Variants in OR51B5 observed in about 807,000 individuals in gnomAD.
OR51B5 encodes olfactory receptor family 51 subfamily B member 5, also known as olfactory receptor 51B5.
For synonymous variants in OR51B5, 186 were observed against 144.8 expected (o/e 1.28, Z -2.04); for missense variants, 456 against 374.6 (o/e 1.22, Z -1.79).
intron 1 of OR51B5, chr11:5,389,668 G>A (rs1564796992): frequency 6.2e-7 from 1 of 1,613,470 alleles, no homozygotes; most frequent in Non-Finnish European, 8.5e-7. Context: ...TGTCCACGTT[G>A]CCCACCACTA....
intron 1 of OR51B5, among the ~76,000 whole-genome samples, chr11:5,483,722 A>G (rs750002498): frequency 1.1e-4 from 17 of 152,076 alleles, no homozygotes; most frequent in Admixed American, 2.6e-4. Context: ...TCTTTCCCTC[A>G]ATAGATGGAC....
intron 1 of OR51B5, among the ~76,000 whole-genome samples, chr11:5,451,892 G>A (rs1850857028): frequency 6.6e-6 from 1 of 152,142 alleles, no homozygotes; most frequent in South Asian, 2.1e-4. Flanking sequence ...CCTCATCCAC[G>A]ATGAGGCAAT....
At chr11:5,495,822 T>A (rs1590029770) in intron 1 of OR51B5, among the ~76,000 whole-genome samples, 3 of 152,222 alleles carry the variant, frequency 2.0e-5, no homozygotes, top group South Asian at 4.1e-4. Flanking sequence ...TCCAACTATA[T>A]ACCGCCTGCA....
chr11:5,363,023 A>AAAC (rs1554934780), intron 1 of OR51B5, among the ~76,000 whole-genome samples: 1 of 13,566 alleles, frequency 7.4e-5, no homozygotes, highest in East Asian at 3.2e-4. Context: ...TGAAGGTTGA[A>AAAC]AACAAGGAAA....
chr11:5,390,182 G>A (rs772450540), intron 1 of OR51B5: 1 of 1,613,982 alleles, frequency 6.2e-7, no homozygotes, highest in Non-Finnish European at 8.5e-7. Context: ...TGCTGTGCTA[G>A]TATTCTTTGT....
intron 1 of OR51B5, among the ~76,000 whole-genome samples, chr11:5,443,915 C>G (rs1850728297): frequency 6.6e-6 from 1 of 151,980 alleles, no homozygotes; most frequent in Admixed American, 6.6e-5. Flanking sequence ...TACATTTTTA[C>G]ACTCTTATAC....
Position 5,390,404 on chromosome 11 carries a change from G to A in OR51B5, n.85-43494C>T, listed in dbSNP as rs753784765. On this transcript the variant is annotated intron_variant and non_coding_transcript_variant, in intron 1 of 4. Transcript: ENST00000415970. Reference sequence around the variant, plus strand: ...AGTCCTGGGGCTAAAACTCCCCCTAGAGGCCTATAAGAAGGCCCCAAATTG... The same window carrying A: ...AGTCCTGGGGCTAAAACTCCCCCTAAAGGCCTATAAGAAGGCCCCAAATTG... 102 of 1,539,324 alleles carry A rather than the reference G, an allele frequency of 6.6e-5. 4 individuals carry two copies. The South Asian group carries it at 1.0e-3, about 15-fold the overall frequency.
chr11:5,384,330 T>C (rs1241938107), intron 1 of OR51B5, among the ~76,000 whole-genome samples: 2 of 152,166 alleles, frequency 1.3e-5, no homozygotes, highest in Non-Finnish European at 2.9e-5. Context: ...AACCACCATA[T>C]ACAGCAGTCT....
At chr11:5,342,674 A>G in exon 1 of OR51B5, 1 of 1,614,034 alleles carries the variant, frequency 6.2e-7, no homozygotes. Flanking sequence ...AGGATTCATT[A>G]GTGGAGGGAA....
intron 1 of OR51B5, among the ~76,000 whole-genome samples, chr11:5,472,585 G>A (rs923723225): frequency 1.3e-5 from 2 of 152,184 alleles, no homozygotes; most frequent in African/African-American, 4.8e-5. Flanking sequence ...GGGCAGCAGG[G>A]ATTCTAAAAA....
intron 1 of OR51B5, among the ~76,000 whole-genome samples, chr11:5,414,797 G>A (rs1850212538): frequency 6.6e-6 from 1 of 152,110 alleles, no homozygotes; most frequent in Non-Finnish European, 1.5e-5. Flanking sequence ...GACCTACAAA[G>A]AGATTTAGAC....
At chr11:5,441,309 G>A in intron 1 of OR51B5, 3 of 1,613,940 alleles carry the variant, frequency 1.9e-6, no homozygotes, top group African/African-American at 1.3e-5. Flanking sequence ...ATCATTGAGA[G>A]CGAGCATAGA....
At chr11:5,412,053 G>A (rs1850156221) in intron 1 of OR51B5, among the ~76,000 whole-genome samples, 1 of 152,236 alleles carries the variant, frequency 6.6e-6, no homozygotes, top group South Asian at 2.1e-4. Flanking sequence ...TATCACTTTT[G>A]AGGTAATTTG....
intron 1 of OR51B5, among the ~76,000 whole-genome samples, chr11:5,394,191 T>C (rs1849836322): frequency 6.6e-6 from 1 of 152,098 alleles, no homozygotes; most frequent in Admixed American, 6.5e-5. Flanking sequence ...CTAGGTATTA[T>C]TCTAAGGGCA....
At chr11:5,447,560 CTTATTA>C (rs746664191) in intron 1 of OR51B5, among the ~76,000 whole-genome samples, 280 of 152,064 alleles carry the variant, frequency 1.8e-3, no homozygotes, top group Middle Eastern at 6.8e-3. Flanking sequence ...TTTTTTTGTA[CTTATTA>C]TTATGTTATC....
chr11:5,350,525 C>T (rs1028597951), intron 1 of OR51B5, among the ~76,000 whole-genome samples: 3 of 152,104 alleles, frequency 2.0e-5, no homozygotes, highest in Non-Finnish European at 4.4e-5. Context: ...CAGCTGAAAT[C>T]TTAGAATTCT....
intron 1 of OR51B5, among the ~76,000 whole-genome samples, chr11:5,446,605 A>G (rs575575033): frequency 2.6e-5 from 4 of 152,326 alleles, no homozygotes; most frequent in Admixed American, 2.6e-4. Context: ...CGTATTTGAC[A>G]TAATTGATAT....
chr11:5,483,782 T>G (rs936843196), intron 1 of OR51B5, among the ~76,000 whole-genome samples: 1 of 152,066 alleles, frequency 6.6e-6, no homozygotes, highest in Admixed American at 6.6e-5. Flanking sequence ...CACCTGCACA[T>G]CACAGAAAGT....
intron 1 of OR51B5, among the ~76,000 whole-genome samples, chr11:5,481,473 A>C (rs11493597): frequency 8.0e-6 from 1 of 124,788 alleles, no homozygotes; most frequent in Admixed American, 8.5e-5. Context: ...CTCTCTCACC[A>C]CTCCTATTCA....
Sources: allele counts gnomAD v4.1 joint callset (sites outside exome capture counted in the v4.1 genomes callset), GRCh38; gene constraint gnomAD v4.1.1; transcripts MANE v1.5; gene names NCBI Gene and HGNC (gene_info 2026-07-23, HGNC 2026-07-21).